DDX60L: variants seen among roughly 807,000 people sequenced by gnomAD.
The protein encoded by DDX60L is probable ATP-dependent RNA helicase DDX60-like.
A neutral mutation model predicts 211.6 loss-of-function variants in DDX60L; 191 were observed. The ratio of observed to expected loss-of-function variants is 0.90; its 90% CI spans 0.80 to 1.02. DDX60L has a LOEUF of 1.02. Among genes scored for constraint, DDX60L ranks in the 50% least tolerant of loss-of-function variants. The pLI, the probability that DDX60L is intolerant of heterozygous loss-of-function variation, is 0.00. For synonymous variants in DDX60L, 706 were observed against 694.1 expected (o/e 1.02, Z -0.27); for missense variants, 2,007 against 1,984.1 (o/e 1.01, Z -0.22).
intron 9 of DDX60L, among the ~76,000 whole-genome samples, chr4:168,444,775 A>C (rs1268175510): frequency 7.0e-4 from 89 of 127,738 alleles, no homozygotes; most frequent in Non-Finnish European, 3.3e-4. Context: ...CTCCTAAATG[A>C]CTACTGGGTA....
intron 30 of DDX60L, among the ~76,000 whole-genome samples, chr4:168,382,651 C>T (rs887716758): frequency 1.3e-5 from 2 of 151,944 alleles, no homozygotes; most frequent in Non-Finnish European, 2.9e-5. Context: ...AATTAAGTGG[C>T]AAATGCTGAC....
At chr4:168,414,820 G>A (rs756127149) in intron 22 of DDX60L, among the ~76,000 whole-genome samples, 1 of 151,818 alleles carries the variant, frequency 6.6e-6, no homozygotes, top group Admixed American at 6.6e-5. Context: ...ACAATGGAAT[G>A]CATGGAGACA....
intron 11 of DDX60L, 21 bp from the exon 12 acceptor site, chr4:168,432,591 T>C: frequency 7.1e-7 from 1 of 1,400,736 alleles, no homozygotes; most frequent in Non-Finnish European, 9.6e-7. Context: ...AAATACATAA[T>C]TTTTTTAAAT....
At chr4:168,405,415 AG>A (rs1475454113) in intron 24 of DDX60L, among the ~76,000 whole-genome samples, 1 of 152,234 alleles carries the variant, frequency 6.6e-6, no homozygotes, top group East Asian at 1.9e-4. Flanking sequence ...TTATGCTCAA[AG>A]ATATCTTTGC....
At chr4:168,459,615 G>A (rs1757034650) in intron 5 of DDX60L, among the ~76,000 whole-genome samples, 1 of 152,082 alleles carries the variant, frequency 6.6e-6, no homozygotes, top group Non-Finnish European at 1.5e-5. Context: ...AGCCTGGCGT[G>A]GTGGCAGGCA....
intron 4 of DDX60L, chr4:168,470,839 T>TAAAA: frequency 9.1e-6 from 2 of 220,740 alleles, no homozygotes; most frequent in Admixed American, 5.9e-5. Flanking sequence ...AAACTCCATC[T>TAAAA]AAAAAAAAAA....
Position 168,373,845 on chromosome 4 carries a change from A to T in DDX60L, c.4634-37T>A, listed in dbSNP as rs1741460764. 1.9e-6 allele frequency: 3 copies of T among 1,597,994 alleles called. No homozygotes were observed. The Admixed American group carries it at 5.1e-5, about 27-fold the overall frequency. On this transcript the variant is annotated intron_variant, in intron 34 of 37. Coordinates refer to ENST00000682922, the MANE Select transcript of DDX60L (RefSeq NM_001012967.3). ...GGACTAGGTCACGTTAGGTTTTAAA[A>T]ATCAGCCCAAATGTTAACCCTTTCA...
chr4:168,366,938 T>C (rs1429958965), intron 36 of DDX60L, among the ~76,000 whole-genome samples: 1 of 151,890 alleles, frequency 6.6e-6, no homozygotes, highest in African/African-American at 2.4e-5. Context: ...CATTATATTA[T>C]ATGTTAATAT....
chr4:168,451,525 T>C (rs2150055625), intron 8 of DDX60L, among the ~76,000 whole-genome samples: 1 of 152,374 alleles, frequency 6.6e-6, no homozygotes, highest in South Asian at 2.1e-4. Context: ...TCTTGTATCT[T>C]TGACTTCTAT....
chr4:168,373,606 A>G, intron 35 of DDX60L, 60 bp downstream of exon 35: 1 of 1,538,260 alleles, frequency 6.5e-7, no homozygotes, highest in South Asian at 1.2e-5. Flanking sequence ...GCTTCACAGC[A>G]ATGTAACCCC....
chr4:168,469,550 T>C (rs2150133978), intron 4 of DDX60L: 1 of 152,266 alleles, frequency 6.6e-6, no homozygotes, highest in East Asian at 1.9e-4. Flanking sequence ...TTCACCAAAA[T>C]TAAAATATCT....
chr4:168,428,111 T>C (rs1751753474), intron 13 of DDX60L, among the ~76,000 whole-genome samples: 1 of 152,232 alleles, frequency 6.6e-6, no homozygotes, highest in Non-Finnish European at 1.5e-5. Context: ...GATGGTTGCT[T>C]CAGGATGCTG....
At chr4:168,466,061 G>A (rs1031693850) in intron 4 of DDX60L, among the ~76,000 whole-genome samples, 1 of 152,068 alleles carries the variant, frequency 6.6e-6, no homozygotes, top group African/African-American at 2.4e-5. Flanking sequence ...TTTGTGATAT[G>A]TAGCTAAAAC....
intron 34 of DDX60L, among the ~76,000 whole-genome samples, chr4:168,374,393 A>T (rs558484728): frequency 6.1e-4 from 93 of 152,308 alleles, no homozygotes; most frequent in Admixed American, 2.0e-3. Context: ...GGAATATGGG[A>T]ATCATTTTAT....
At chr4:168,376,019 G>C (rs1741887776) in intron 33 of DDX60L, among the ~76,000 whole-genome samples, 1 of 152,156 alleles carries the variant, frequency 6.6e-6, no homozygotes, top group African/African-American at 2.4e-5. Flanking sequence ...CCCTCACAGA[G>C]GTAAACTTGT....
At position 168,393,263 on chromosome 4, in the gene DDX60L, A is replaced by G. The variant is rs1010897848; in HGVS notation, c.3810+1202T>C. On this transcript the variant is annotated intron_variant, in intron 28 of 37. Coordinates refer to ENST00000682922, the MANE Select transcript of DDX60L (RefSeq NM_001012967.3). ...GTAATACCAGCATTTCGGGAGGCTG[A>G]GGTGGGCTGATTACCTGAGGTCAGG... is the stretch of plus-strand genomic sequence containing the variant. 2.0e-5 allele frequency among the ~76,000 whole-genome samples: 3 copies of G among 152,186 alleles called. No individual in the cohort carries two copies. In the East Asian group the frequency reaches 5.8e-4, roughly 29 times the overall value.
At chr4:168,361,316 CAA>C in intron 36 of DDX60L, 105 bp from the exon 37 acceptor site, 3 of 672,894 alleles carry the variant, frequency 4.5e-6, no homozygotes, top group Non-Finnish European at 7.7e-6. Flanking sequence ...ATTTATCTGC[CAA>C]ATGCACTCCC....
Position 168,457,261 on chromosome 4 carries a change from T to TATATACACAC in DDX60L, c.723+630_723+631insGTGTGTATAT, listed in dbSNP as rs139881909. ...ACCAAAAACATATATATAAACTACA[T>TATATACACAC]ACACACACACACACACACACACACA... On this transcript the variant is annotated intron_variant, in intron 6 of 37. Transcript: ENST00000682922. Among the ~76,000 whole-genome samples, 153 of 145,306 alleles carry TATATACACAC rather than the reference T, an allele frequency of 1.1e-3. 1 individual carries two copies. Among genetic ancestry groups the TATATACACAC allele is most frequent in the South Asian group, 2.4e-3 (11 of 4,594 alleles).
At chr4:168,448,993 G>C (rs1392489828) in intron 8 of DDX60L, among the ~76,000 whole-genome samples, 2 of 152,068 alleles carry the variant, frequency 1.3e-5, no homozygotes, top group Non-Finnish European at 2.9e-5. Context: ...GCTTATCCTA[G>C]TACTCATTAT....
Sources: gnomAD v4.1 joint callset for allele counts (sites outside exome capture counted in the v4.1 genomes callset) on GRCh38, gnomAD v4.1.1 for gene constraint, MANE v1.5 for transcripts, NCBI Gene and HGNC (gene_info 2026-07-23, HGNC 2026-07-21) for gene names.